FRMD4B: variants seen among roughly 807,000 people sequenced by gnomAD.
The protein encoded by FRMD4B is FERM domain-containing protein 4B.
A neutral mutation model predicts 141.5 loss-of-function variants in FRMD4B; 74 were observed. That is an observed-to-expected ratio of 0.52 (90% CI 0.43 to 0.63). The LOEUF (loss-of-function observed/expected upper bound fraction) is 0.63. FRMD4B is among the 30% of genes least tolerant of loss of function. The probability of loss-of-function intolerance (pLI) is 0.00; values close to 1 mark genes in which losing one functional copy is unlikely to be tolerated. For synonymous variants in FRMD4B, 506 were observed against 467.9 expected, an observed-to-expected ratio of 1.08 and a Z score of -1.05; for missense variants, 1,366 against 1,253.4, an observed-to-expected ratio of 1.09 and a Z score of -1.36.
At chr3:69,535,609 A>C (rs966997910) in intron 1 of FRMD4B, 2 of 183,658 alleles carry the variant, frequency 1.1e-5, no homozygotes, top group African/African-American at 4.7e-5. Context: ...GGTTTGCTGA[A>C]GAATAAAAAT....
chr3:69,457,133 TGAAG>T (rs1385316996), intron 1 of FRMD4B, among the ~76,000 whole-genome samples: 3 of 152,082 alleles, frequency 2.0e-5, no homozygotes, highest in Admixed American at 6.5e-5. Context: ...AAGACATGAA[TGAAG>T]GAACAAAGAA....
rs1160093779 is a variant in FRMD4B, at chr3:69,437,816, C to T, written c.-128-5055G>A. Among the ~76,000 whole-genome samples the T allele has an allele frequency of 1.8e-4, 22 of 122,706 alleles. No individual in the cohort carries two copies. The East Asian group carries it at 4.8e-3, about 27-fold the overall frequency. 80.5% of individuals were successfully genotyped at this position (122,706 alleles called of 152,430 possible). A position where few individuals can be genotyped will look rare whatever the true frequency, so the allele number is the denominator to read the frequency against. On this transcript the variant is annotated intron_variant, in intron 1 of 5. Transcript: ENST00000459638. ...ATATATATTTATATTTTTATATATACTATATATATTTATATTCATATATAG... is the reference window on the plus strand; with the variant it reads ...ATATATATTTATATTTTTATATATATTATATATATTTATATTCATATATAG...
At chr3:69,297,156 G>A (rs1701060019) in intron 4 of FRMD4B, among the ~76,000 whole-genome samples, 1 of 152,086 alleles carries the variant, frequency 6.6e-6, no homozygotes, top group African/African-American at 2.4e-5. Flanking sequence ...GTGGAATGAC[G>A]AGGACTCACG....
rs114430875 is a variant in FRMD4B, at chr3:69,529,668, T to A, written c.-129+12538A>T. On this transcript the variant is annotated intron_variant, in intron 1 of 5. Transcript: ENST00000459638. The stretch of plus-strand genomic sequence containing the variant: ...CAAAGCACTAAATATTTTGTCTCAC[T>A]AGAAATGGATTCCTTACTATTCTTA... Among the ~76,000 whole-genome samples the A allele has an allele frequency of 6.0e-3, 907 of 152,324 alleles. 8 individuals carry two copies. Among genetic ancestry groups the A allele is most frequent in the Non-Finnish European group, 9.7e-3 (657 of 68,026 alleles).
At chr3:69,198,528 T>G in intron 12 of FRMD4B, 170 bp downstream of exon 12, 1 of 589,674 alleles carries the variant, frequency 1.7e-6, no homozygotes. Flanking sequence ...AGCCTTGCCA[T>G]TCCTCAGAGG....
chr3:69,530,402 A>C (rs2107153418), intron 1 of FRMD4B, among the ~76,000 whole-genome samples: 1 of 152,068 alleles, frequency 6.6e-6, no homozygotes, highest in Non-Finnish European at 1.5e-5. Flanking sequence ...GCATGCCCCA[A>C]CCCTCACCTC....
intron 3 of FRMD4B, chr3:69,310,520 G>T (rs1701541712): frequency 2.2e-6 from 1 of 449,274 alleles, no homozygotes; most frequent in South Asian, 1.6e-5. Flanking sequence ...AAATTGGGCT[G>T]CCATAAAAAA....
intron 16 of FRMD4B, 80 bp downstream of exon 16, chr3:69,194,942 A>T (rs2092884017): frequency 2.2e-6 from 3 of 1,368,110 alleles, no homozygotes; most frequent in African/African-American, 2.8e-5. Context: ...AGACTCAAAA[A>T]CCAAAGGAAA....
In FRMD4B at chr3:69,347,742, T is replaced by C. The variant is rs1303958722; in HGVS notation, c.163-34225A>G. ...TGCTCCTGAAAGACTACTGGGTACA[T>C]AATGAAATGAAGGCAGAAATAAAGA... is the stretch of plus-strand genomic sequence containing the variant. On this transcript the variant is annotated intron_variant, in intron 1 of 22. Coordinates refer to ENST00000398540, the MANE Select transcript of FRMD4B (RefSeq NM_015123.3). Among the ~76,000 whole-genome samples, 4 of 152,256 alleles carry C rather than the reference T, an allele frequency of 2.6e-5. No individual in the cohort carries two copies. The East Asian group carries it at 7.7e-4, about 29-fold the overall frequency.
chr3:69,264,738 A>T (rs2093549715), intron 5 of FRMD4B, among the ~76,000 whole-genome samples: 1 of 152,234 alleles, frequency 6.6e-6, no homozygotes, highest in Non-Finnish European at 1.5e-5. Context: ...CAAAGATGAG[A>T]CATAAAGATG....
chr3:69,513,957 T>C (rs1232293578), intron 1 of FRMD4B, among the ~76,000 whole-genome samples: 1 of 152,140 alleles, frequency 6.6e-6, no homozygotes, highest in Non-Finnish European at 1.5e-5. Flanking sequence ...TAATACTCAA[T>C]GGTGAAAGAC....
At chr3:69,532,058 G>C (rs530795796) in intron 1 of FRMD4B, among the ~76,000 whole-genome samples, 3 of 152,148 alleles carry the variant, frequency 2.0e-5, no homozygotes. Context: ...AAGTCTTACA[G>C]CCCAACTGGG....
intron 1 of FRMD4B, among the ~76,000 whole-genome samples, chr3:69,374,031 A>G (rs1703902776): frequency 6.6e-6 from 1 of 152,206 alleles, no homozygotes; most frequent in African/African-American, 2.4e-5. Flanking sequence ...CCAAGAAGTC[A>G]AGTAACTTGT....
At chr3:69,390,863 A>AGT (rs1704368213), upstream of FRMD4B, among the ~76,000 whole-genome samples, 1 of 152,184 alleles carries the variant, frequency 6.6e-6, no homozygotes. Context: ...ACTGCACTCC[A>AGT]GCCTGGGCAA....
chr3:69,404,105 C>T (rs1704613423), intron 2 of FRMD4B, among the ~76,000 whole-genome samples: 1 of 152,252 alleles, frequency 6.6e-6, no homozygotes, highest in East Asian at 1.9e-4. Flanking sequence ...CTATATTGCC[C>T]AGGTTGGCCT....
At chr3:69,455,937 T>C (rs189715476) in intron 1 of FRMD4B, among the ~76,000 whole-genome samples, 195 of 152,196 alleles carry the variant, frequency 1.3e-3, no homozygotes, top group Non-Finnish European at 2.0e-3. Context: ...TCAGTTCCAT[T>C]TTGTTCTGAG....
chr3:69,519,675 C>T (rs1700820348), intron 1 of FRMD4B, among the ~76,000 whole-genome samples: 1 of 151,962 alleles, frequency 6.6e-6, no homozygotes, highest in Non-Finnish European at 1.5e-5. Flanking sequence ...TGGGGAGGAA[C>T]AGTTGGTAGT....
At chr3:69,472,933 T>C (rs1481385015) in intron 1 of FRMD4B, among the ~76,000 whole-genome samples, 2 of 117,454 alleles carry the variant, frequency 1.7e-5, no homozygotes, top group Admixed American at 9.1e-5. Context: ...TTCTTTTTTT[T>C]TTTTCTTTTT....
chr3:69,307,577 T>C (rs1489392310), intron 3 of FRMD4B, among the ~76,000 whole-genome samples: 1 of 152,132 alleles, frequency 6.6e-6, no homozygotes, highest in Non-Finnish European at 1.5e-5. Context: ...TGACCTCAGG[T>C]GATCCACCCT....
Sources: allele counts gnomAD v4.1 joint callset (sites outside exome capture counted in the v4.1 genomes callset), GRCh38; gene constraint gnomAD v4.1.1; transcripts MANE v1.5; gene names NCBI Gene and HGNC (gene_info 2026-07-23, HGNC 2026-07-21).